The following ACKR3 variants were observed in gnomAD, a reference collection of about 807,000 sequenced individuals.
ACKR3 encodes the protein C-X-C chemokine receptor type 7.
A neutral mutation model predicts 22.4 loss-of-function variants in ACKR3; 6 were observed. That is an observed-to-expected ratio of 0.27 (90% CI 0.15 to 0.53). The LOEUF (loss-of-function observed/expected upper bound fraction) is 0.53. ACKR3 is among the 20% of genes least tolerant of loss of function. The pLI, the probability that ACKR3 is intolerant of heterozygous loss-of-function variation, is 0.96. For missense variants in ACKR3, 396 were observed against 475.2 expected, an observed-to-expected ratio of 0.83 and a Z score of 1.55; for synonymous variants, 209 against 205.2, an observed-to-expected ratio of 1.02 and a Z score of -0.16.
intron 1 of ACKR3, among the ~76,000 whole-genome samples, chr2:236,575,377 G>C (rs550643434): frequency 6.6e-6 from 1 of 151,926 alleles, no homozygotes; most frequent in Non-Finnish European, 1.5e-5. Context: ...TGCATAGCTG[G>C]GGTTGTGCTG....
the ACKR3 span, among the ~76,000 whole-genome samples, chr2:236,559,268 G>A: frequency 6.6e-6 from 1 of 152,200 alleles, no homozygotes; most frequent in Non-Finnish European, 1.5e-5. Flanking sequence ...GAAAGCGAAA[G>A]CTGAGAATGA....
At chr2:236,540,952 T>A in the ACKR3 span, among the ~76,000 whole-genome samples, 1 of 152,236 alleles carries the variant, frequency 6.6e-6, no homozygotes, top group Non-Finnish European at 1.5e-5. Context: ...TACTCCACTT[T>A]CTGGCAGAAT....
the ACKR3 span, among the ~76,000 whole-genome samples, chr2:236,539,999 G>T: frequency 6.6e-6 from 1 of 152,168 alleles, no homozygotes; most frequent in Non-Finnish European, 1.5e-5. Context: ...ACCTTGCCCC[G>T]TCCTTGACAC....
the ACKR3 span, among the ~76,000 whole-genome samples, chr2:236,555,820 GAAA>G: frequency 0.12 from 15,458 of 133,956 alleles, 1,236 homozygotes; most frequent in African/African-American, 0.23. Context: ...TACCTTAAAG[GAAA>G]AAAAAAAAAA....
chr2:236,578,154 G>A (rs560542361), intron 1 of ACKR3, among the ~76,000 whole-genome samples: 1 of 152,324 alleles, frequency 6.6e-6, no homozygotes, highest in African/African-American at 2.4e-5. Context: ...GTCATTTGGT[G>A]GCCAAGGAAA....
the ACKR3 span, among the ~76,000 whole-genome samples, chr2:236,545,841 A>G: frequency 1.3e-5 from 2 of 152,344 alleles, no homozygotes; most frequent in African/African-American, 4.8e-5. This position sits in a 1 kb window ranked among gnomAD's most constrained non-coding sequence, Gnocchi z 5.3. Flanking sequence ...TTATTAAATT[A>G]TTTGCCTGGT....
chr2:236,566,167 G>A (rs1225004246), upstream of ACKR3, among the ~76,000 whole-genome samples: 1 of 152,290 alleles, frequency 6.6e-6, no homozygotes, highest in South Asian at 2.1e-4. Context: ...ATCTACAGGC[G>A]AATCAGATCC....
intron 1 of ACKR3, among the ~76,000 whole-genome samples, chr2:236,570,212 G>C (rs925955995): frequency 4.6e-5 from 7 of 152,236 alleles, no homozygotes; most frequent in African/African-American, 1.7e-4. Flanking sequence ...TTTATTTGCT[G>C]TGTGGCTATT....
rs1204528278 is a variant in ACKR3, at chr2:236,577,418, G to C, written c.-26-3022G>C. On this transcript the variant is annotated intron_variant, in intron 1 of 1. Transcript: ENST00000272928. This position sits in a 1 kb window ranked among gnomAD's most constrained non-coding sequence, Gnocchi z 5.6. ...AGGTAGAAAGCCAAGGGCTGGATGG[G>C]GGTCCCTGAGCCCTTTTCCACCTCT... Among the ~76,000 whole-genome samples the C allele has an allele frequency of 6.6e-6, 1 of 152,190 alleles. No individual in the cohort carries two copies. Among genetic ancestry groups the C allele is most frequent in the Non-Finnish European group, 1.5e-5 (1 of 68,024 alleles).
the ACKR3 span, among the ~76,000 whole-genome samples, chr2:236,552,328 T>A: frequency 6.6e-6 from 1 of 152,194 alleles, no homozygotes; most frequent in Admixed American, 6.5e-5. Flanking sequence ...TGATCATGCA[T>A]CTGAAGTTCA....
chr2:236,543,939 G>C, the ACKR3 span, among the ~76,000 whole-genome samples: 4 of 90,466 alleles, frequency 4.4e-5, no homozygotes, highest in South Asian at 4.6e-4. Context: ...CCTGGGAGAA[G>C]GGTATATATA....
the ACKR3 span, among the ~76,000 whole-genome samples, chr2:236,560,523 C>T: frequency 1.3e-5 from 2 of 152,010 alleles, no homozygotes; most frequent in Non-Finnish European, 2.9e-5. Flanking sequence ...TTAAATTAGA[C>T]TATTGTTCTT....
the ACKR3 span, among the ~76,000 whole-genome samples, chr2:236,543,941 G>GTATATATA: frequency 1.1e-3 from 66 of 57,776 alleles, 1 homozygote; most frequent in South Asian, 1.8e-3. Context: ...TGGGAGAAGG[G>GTATATATA]TATATATATA....
At chr2:236,576,973 T>C (rs567670083) in intron 1 of ACKR3, among the ~76,000 whole-genome samples, 3 of 152,350 alleles carry the variant, frequency 2.0e-5, no homozygotes, top group Admixed American at 2.0e-4. Context: ...TGTACTTTCC[T>C]TCCTATCTGA....
intron 1 of ACKR3, among the ~76,000 whole-genome samples, chr2:236,579,056 A>T (rs1194385037): frequency 6.6e-6 from 1 of 152,128 alleles, no homozygotes; most frequent in Non-Finnish European, 1.5e-5. Flanking sequence ...ATGCAGACAG[A>T]TTAACTCTCA....
At chr2:236,541,549 G>A in the ACKR3 span, among the ~76,000 whole-genome samples, 1 of 152,244 alleles carries the variant, frequency 6.6e-6, no homozygotes, top group South Asian at 2.1e-4. Flanking sequence ...TGAGAGTAAC[G>A]GGTTGCCTGT....
chr2:236,566,718 C>CCTTCCTTCCTTCCTT (rs1553634519), upstream of ACKR3, among the ~76,000 whole-genome samples: 6 of 114,566 alleles, frequency 5.2e-5, no homozygotes, highest in Middle Eastern at 4.1e-3. Context: ...TCCTTTCCTT[C>CCTTCCTTCCTTCCTT]CCTTCCTTCC....
At chr2:236,567,451 A>G (rs572429518), upstream of ACKR3, among the ~76,000 whole-genome samples, 2 of 152,326 alleles carry the variant, frequency 1.3e-5, no homozygotes, top group South Asian at 4.1e-4. Context: ...TGAAAGCACA[A>G]TCTTCCAAAA....
the ACKR3 span, among the ~76,000 whole-genome samples, chr2:236,545,489 G>C: frequency 6.6e-6 from 1 of 152,220 alleles, no homozygotes; most frequent in African/African-American, 2.4e-5. This position sits in a 1 kb window ranked among gnomAD's most constrained non-coding sequence, Gnocchi z 5.3. Flanking sequence ...CTACACCCCA[G>C]GATCTGGGAG....
Sources: gnomAD v4.1 joint callset for allele counts (sites outside exome capture counted in the v4.1 genomes callset) on GRCh38, gnomAD v4.1.1 for gene constraint, Gnocchi (gnomAD v3.1) non-coding constraint, MANE v1.5 for transcripts, NCBI Gene and HGNC (gene_info 2026-07-23, HGNC 2026-07-21) for gene names.